The following SCHIP1 variants were observed in gnomAD, a reference collection of about 807,000 sequenced individuals.
SCHIP1 encodes the protein schwannomin interacting protein 1.
SCHIP1 carries 8 observed loss-of-function variants against 29.7 expected under a neutral mutation model. The ratio of observed to expected loss-of-function variants is 0.27; its 90% CI spans 0.16 to 0.49. The LOEUF is 0.49. Among genes scored for constraint, SCHIP1 ranks in the 20% least tolerant of loss-of-function variants. The pLI is 0.99. For synonymous variants in SCHIP1, 76 were observed against 94.9 expected, an observed-to-expected ratio of 0.80 and a Z score of 1.16; for missense variants, 193 against 294.6, an observed-to-expected ratio of 0.66 and a Z score of 2.52.
chr3:159,650,743 G>A, the SCHIP1 span, among the ~76,000 whole-genome samples: 2 of 152,184 alleles, frequency 1.3e-5, no homozygotes, highest in Non-Finnish European at 2.9e-5. Context: ...ATACATTCAG[G>A]TGACTGAAAG....
At chr3:159,396,419 T>C in the SCHIP1 span, among the ~76,000 whole-genome samples, 1 of 147,500 alleles carries the variant, frequency 6.8e-6, no homozygotes. Flanking sequence ...CTAGTCTCGA[T>C]GGTCTTTACA....
the SCHIP1 span, among the ~76,000 whole-genome samples, chr3:159,459,557 A>AT: frequency 9.0e-6 from 1 of 111,294 alleles, no homozygotes; most frequent in Non-Finnish European, 1.7e-5. Context: ...AAAATGCTAT[A>AT]TAACAAAAAA....
chr3:159,692,016 TTTTTTTTTTTTTTTTTTTTTTTTGAGACG>T, the SCHIP1 span, among the ~76,000 whole-genome samples: 1 of 95,998 alleles, frequency 1.0e-5, no homozygotes, highest in African/African-American at 4.8e-5. Context: ...GACCTTTCTT[TTTTTTTTTTTTTTTTTTTTTTTTGAGACG>T]GAGTCTCGCT....
the SCHIP1 span, among the ~76,000 whole-genome samples, chr3:159,436,785 T>C: frequency 6.6e-6 from 1 of 152,092 alleles, no homozygotes; most frequent in Non-Finnish European, 1.5e-5. Flanking sequence ...AATTGAGCTT[T>C]AGTGAGAGTG....
the SCHIP1 span, among the ~76,000 whole-genome samples, chr3:159,285,303 A>T: frequency 6.6e-6 from 1 of 152,070 alleles, no homozygotes; most frequent in African/African-American, 2.4e-5. Flanking sequence ...TGTTTCCGTG[A>T]TAGATAACAG....
the SCHIP1 span, among the ~76,000 whole-genome samples, chr3:159,737,753 T>C: frequency 6.6e-6 from 1 of 152,180 alleles, no homozygotes; most frequent in Admixed American, 6.5e-5. Flanking sequence ...CAAATAGATT[T>C]TTAACTTGTC....
At chr3:159,815,720 G>A in the SCHIP1 span, among the ~76,000 whole-genome samples, 1 of 152,114 alleles carries the variant, frequency 6.6e-6, no homozygotes, top group Non-Finnish European at 1.5e-5. Context: ...TTCTATGCCA[G>A]TTCTCTCCAT....
the SCHIP1 span, among the ~76,000 whole-genome samples, chr3:159,697,652 G>C: frequency 4.6e-5 from 7 of 151,862 alleles, no homozygotes; most frequent in Non-Finnish European, 4.4e-5. Flanking sequence ...ATAAAATATT[G>C]GAATACAAAA....
the SCHIP1 span, among the ~76,000 whole-genome samples, chr3:159,433,003 T>A: frequency 6.6e-6 from 1 of 152,106 alleles, no homozygotes; most frequent in African/African-American, 2.4e-5. Flanking sequence ...AGAGCCAGAT[T>A]TGAGGTGAAG....
At chr3:159,814,108 C>T in the SCHIP1 span, among the ~76,000 whole-genome samples, 1 of 152,164 alleles carries the variant, frequency 6.6e-6, no homozygotes, top group African/African-American at 2.4e-5. Flanking sequence ...AGACCCTCTT[C>T]GGGATTGCCT....
chr3:159,611,583 G>A, the SCHIP1 span, among the ~76,000 whole-genome samples: 1 of 151,992 alleles, frequency 6.6e-6, no homozygotes, highest in South Asian at 2.1e-4. Context: ...AATGTATGCA[G>A]GGCTTAAAAC....
the SCHIP1 span, among the ~76,000 whole-genome samples, chr3:159,805,013 G>T: frequency 6.6e-6 from 1 of 152,132 alleles, no homozygotes; most frequent in African/African-American, 2.4e-5. Flanking sequence ...ATCCTCAGCA[G>T]ATTTCTCCTC....
chr3:159,680,815 C>T, the SCHIP1 span, among the ~76,000 whole-genome samples: 1 of 131,548 alleles, frequency 7.6e-6, no homozygotes, highest in African/African-American at 2.8e-5. Flanking sequence ...GGGGTTTTAC[C>T]CAAAATAGCA....
intron 1 of SCHIP1, among the ~76,000 whole-genome samples, chr3:159,840,652 C>G (rs1744138809): frequency 6.6e-6 from 1 of 152,074 alleles, no homozygotes; most frequent in African/African-American, 2.4e-5. Context: ...TAGATAGTCG[C>G]GATTGATAAT....
At chr3:159,502,052 T>C in the SCHIP1 span, among the ~76,000 whole-genome samples, 5 of 152,316 alleles carry the variant, frequency 3.3e-5, no homozygotes, top group Admixed American at 6.5e-5. Flanking sequence ...GCAAACTCGA[T>C]ATAGAGAAAT....
At chr3:159,334,361 G>A in the SCHIP1 span, among the ~76,000 whole-genome samples, 1 of 152,254 alleles carries the variant, frequency 6.6e-6, no homozygotes, top group Middle Eastern at 3.4e-3. Context: ...GCACATCATA[G>A]GCCTTCAAGC....
chr3:159,709,904 T>C, the SCHIP1 span, among the ~76,000 whole-genome samples: 1 of 152,208 alleles, frequency 6.6e-6, no homozygotes, highest in Non-Finnish European at 1.5e-5. Flanking sequence ...TTGCACACCT[T>C]GTAGAATGGC....
chr3:159,629,277 T>TA, the SCHIP1 span, among the ~76,000 whole-genome samples: 1 of 151,870 alleles, frequency 6.6e-6, no homozygotes, highest in Non-Finnish European at 1.5e-5. Flanking sequence ...AGACCCTGTC[T>TA]AAAAAAAGAA....
At chr3:159,586,968 CAG>C in the SCHIP1 span, among the ~76,000 whole-genome samples, 1 of 152,172 alleles carries the variant, frequency 6.6e-6, no homozygotes, top group Non-Finnish European at 1.5e-5. Flanking sequence ...TACGTGTCAG[CAG>C]AGAGAGGAAG....
Sources: gnomAD v4.1 joint callset for allele counts (sites outside exome capture counted in the v4.1 genomes callset) on GRCh38, gnomAD v4.1.1 for gene constraint, MANE v1.5 for transcripts, NCBI Gene and HGNC (gene_info 2026-07-23, HGNC 2026-07-21) for gene names.